Variants in ST3GAL2 observed in about 807,000 individuals in gnomAD.
The protein encoded by ST3GAL2 is CMP-N-acetylneuraminate-beta-galactosamide-alpha-2,3-sialyltransferase 2.
ST3GAL2 carries 16 observed loss-of-function variants against 37.5 expected under a neutral mutation model. The observed-to-expected ratio is 0.43, with a 90% CI of 0.29 to 0.65. ST3GAL2 has a LOEUF of 0.65. Among genes scored for constraint, ST3GAL2 ranks in the 30% least tolerant of loss-of-function variants. ST3GAL2 has a pLI of 0.17. For synonymous variants in ST3GAL2, 238 were observed against 202.9 expected, an observed-to-expected ratio of 1.17 and a Z score of -1.47; for missense variants, 383 against 487.8, an observed-to-expected ratio of 0.79 and a Z score of 2.02.
intron 3 of ST3GAL2, among the ~76,000 whole-genome samples, chr16:70,394,538 G>C (rs1270488795): frequency 6.6e-6 from 1 of 152,128 alleles, no homozygotes; most frequent in Non-Finnish European, 1.5e-5. Flanking sequence ...ACAATGCCCA[G>C]CTAATCTTTA....
At chr16:70,429,915 G>A (rs1358094279) in intron 1 of ST3GAL2, among the ~76,000 whole-genome samples, 1 of 152,098 alleles carries the variant, frequency 6.6e-6, no homozygotes, top group Non-Finnish European at 1.5e-5. Flanking sequence ...GCTTAGAGAG[G>A]GGTAATGACT....
At chr16:70,409,581 G>A (rs1177633897) in intron 1 of ST3GAL2, among the ~76,000 whole-genome samples, 1 of 152,124 alleles carries the variant, frequency 6.6e-6, no homozygotes, top group Admixed American at 6.6e-5. Flanking sequence ...AGCCTCAGGT[G>A]TTCCGCCCAC....
rs1270746105 is a variant in ST3GAL2 at position 70,379,708 on chromosome 16, G to C, written c.*1981C>G. ...ACAATCTCGGCTCACTGCAACCTTC[G>C]CCTCCTCGGTTCAAGGGATTCTCCT... On this transcript the variant is annotated 3_prime_UTR_variant, in exon 7 of 7. Transcript: ENST00000342907. 1.3e-5 allele frequency: 2 copies of C among 152,240 alleles called. No individual in the cohort carries two copies. The highest frequency in any genetic ancestry group is 3.9e-4 in the East Asian group (2 of 5,170). 9.4% of individuals were successfully genotyped at this position (152,240 alleles called of 1,614,324 possible). A position where few individuals can be genotyped will look rare whatever the true frequency, so the allele number is the denominator to read the frequency against.
At chr16:70,420,250 A>G (rs1567675674) in intron 1 of ST3GAL2, among the ~76,000 whole-genome samples, 2 of 152,118 alleles carry the variant, frequency 1.3e-5, no homozygotes, top group Admixed American at 1.3e-4. Flanking sequence ...AGCCTTTTGT[A>G]TGGCAGTTCG....
chr16:70,398,551 G>A lies in ST3GAL2; in HGVS notation c.-21C>T, dbSNP rs547629531. 1.1e-5 allele frequency: 17 copies of A among 1,559,144 alleles called. No individual in the cohort carries two copies. The highest frequency in any genetic ancestry group is 8.1e-5 in the South Asian group (7 of 86,708). ...TTCATGGTGCCGGCAGGCGGGTGACGGTCACCGTGGCCACTCTTTTCCCAG... is the reference window on the plus strand; with the variant it reads ...TTCATGGTGCCGGCAGGCGGGTGACAGTCACCGTGGCCACTCTTTTCCCAG... On this transcript the variant is annotated 5_prime_UTR_variant, in exon 2 of 7. Coordinates refer to ENST00000342907, the MANE Select transcript of ST3GAL2 (RefSeq NM_006927.4).
In ST3GAL2 at chr16:70,381,538, G is replaced by A. The variant is rs1049252788; in HGVS notation, c.*151C>T. ...CCGACCGCAGCGCAGATTGGTGCCA[G>A]GCCCGGCCGGTCCCCCAGTCTCGTG... On this transcript the variant is annotated 3_prime_UTR_variant, in exon 7 of 7. Transcript: ENST00000342907. The A allele has an allele frequency of 1.1e-5, 10 of 919,754 alleles. No homozygotes were observed. Among genetic ancestry groups the A allele is most frequent in the Non-Finnish European group, 1.6e-5 (10 of 629,526 alleles). The allele number at this position is 919,754 out of a possible 1,614,324, so 57.0% of individuals were successfully genotyped here. A position where few individuals can be genotyped will look rare whatever the true frequency, so the allele number is the denominator to read the frequency against.
chr16:70,421,435 T>A (rs2047713811), intron 1 of ST3GAL2, among the ~76,000 whole-genome samples: 1 of 152,152 alleles, frequency 6.6e-6, no homozygotes, highest in South Asian at 2.1e-4. Context: ...CCCTCCTGGA[T>A]CTGGCCTAAG....
At chr16:70,404,443 G>T (rs1224916063) in intron 1 of ST3GAL2, among the ~76,000 whole-genome samples, 1 of 152,168 alleles carries the variant, frequency 6.6e-6, no homozygotes, top group Non-Finnish European at 1.5e-5. Flanking sequence ...CACAGGAAAA[G>T]ATGCTCAACG....
At chr16:70,420,903 G>A (rs770426145) in intron 1 of ST3GAL2, among the ~76,000 whole-genome samples, 11 of 152,224 alleles carry the variant, frequency 7.2e-5, no homozygotes, top group Non-Finnish European at 1.5e-4. Context: ...GGGAACCAGA[G>A]GTGGGCCCCT....
At chr16:70,415,868 C>T (rs1203229372) in intron 1 of ST3GAL2, among the ~76,000 whole-genome samples, 2 of 150,762 alleles carry the variant, frequency 1.3e-5, no homozygotes, top group South Asian at 2.1e-4. Context: ...CTCCGCCTCC[C>T]GGGTTCAAGC....
At chr16:70,402,327 G>A (rs1221474128) in intron 1 of ST3GAL2, among the ~76,000 whole-genome samples, 2 of 150,138 alleles carry the variant, frequency 1.3e-5, no homozygotes, top group Admixed American at 6.6e-5. Context: ...AAATTGTGGT[G>A]CATTTTGTAC....
chr16:70,432,304 G>C (rs2047796541), intron 1 of ST3GAL2, among the ~76,000 whole-genome samples: 1 of 152,118 alleles, frequency 6.6e-6, no homozygotes, highest in Admixed American at 6.5e-5. Flanking sequence ...TTCACTCCAG[G>C]AAGATGACCT....
intron 1 of ST3GAL2, among the ~76,000 whole-genome samples, chr16:70,427,301 A>G (rs2047758084): frequency 6.6e-6 from 1 of 150,912 alleles, no homozygotes; most frequent in Non-Finnish European, 1.5e-5. Flanking sequence ...AAACCCATGC[A>G]TAATCCAAGC....
chr16:70,413,673 T>C (rs1597570276), intron 1 of ST3GAL2, among the ~76,000 whole-genome samples: 1 of 145,544 alleles, frequency 6.9e-6, no homozygotes, highest in Admixed American at 6.9e-5. Flanking sequence ...GAAGCGGAGG[T>C]TGCAGTGAGT....
chr16:70,414,281 C>A (rs981651302), intron 1 of ST3GAL2, among the ~76,000 whole-genome samples: 1 of 152,204 alleles, frequency 6.6e-6, no homozygotes, highest in African/African-American at 2.4e-5. Context: ...CTGGGGTCAA[C>A]TGAAGAAAGG....
intron 1 of ST3GAL2, among the ~76,000 whole-genome samples, chr16:70,426,792 G>T (rs113138829): frequency 1.3e-5 from 2 of 152,192 alleles, no homozygotes; most frequent in African/African-American, 4.8e-5. Context: ...TTATAGGCGT[G>T]AGCCACCGCG....
At chr16:70,426,240 CTG>C (rs1393441754) in intron 1 of ST3GAL2, among the ~76,000 whole-genome samples, 1 of 130,700 alleles carries the variant, frequency 7.7e-6, no homozygotes. Flanking sequence ...GTCGCCCAGG[CTG>C]GAGTGCAGTG....
At chr16:70,436,670 C>T (rs1276374799) in intron 1 of ST3GAL2, among the ~76,000 whole-genome samples, 2 of 152,004 alleles carry the variant, frequency 1.3e-5, no homozygotes, top group Non-Finnish European at 2.9e-5. Flanking sequence ...GACTATGACT[C>T]TCAGTCAAAT....
chr16:70,381,995 G>T (rs916109337), intron 6 of ST3GAL2, 133 bp from the exon 7 acceptor site: 5 of 1,089,360 alleles, frequency 4.6e-6, no homozygotes, highest in Non-Finnish European at 6.6e-6. Context: ...CCTGGCCTAA[G>T]GACATGGACT....
Sources: allele counts gnomAD v4.1 joint callset (sites outside exome capture counted in the v4.1 genomes callset), GRCh38; gene constraint gnomAD v4.1.1; transcripts MANE v1.5; gene names NCBI Gene and HGNC (gene_info 2026-07-23, HGNC 2026-07-21).